The following CNPY3 variants were observed in gnomAD, a reference collection of about 807,000 sequenced individuals.
The protein encoded by CNPY3 is canopy FGF signaling regulator 3.
CNPY3 carries 20 observed loss-of-function variants against 32.0 expected under a neutral mutation model. The ratio of observed to expected loss-of-function variants is 0.63; its 90% CI spans 0.44 to 0.91. The LOEUF is 0.91. Among genes scored for constraint, CNPY3 ranks in the 40% least tolerant of loss-of-function variants. CNPY3 has a pLI of 0.00. For missense variants in CNPY3, 299 were observed against 340.8 expected, an observed-to-expected ratio of 0.88 and a Z score of 0.97; for synonymous variants, 138 against 142.9, an observed-to-expected ratio of 0.97 and a Z score of 0.24.
At position 42,939,239 on chromosome 6, in the gene CNPY3, A is replaced by T; in HGVS notation, c.*448A>T. On this transcript the variant is annotated 3_prime_UTR_variant, in exon 6 of 6. Coordinates refer to ENST00000372836, the MANE Select transcript of CNPY3 (RefSeq NM_006586.5). ...TCTGCCTGGCCCTTCCCAGAGCCCA[A>T]AGAGTAAAAATGTTCTGGTTCTGAT... is the stretch of plus-strand genomic sequence containing the variant. 1.0e-6 allele frequency: 1 copy of T among 990,398 alleles called. No individual in the cohort carries two copies. Among genetic ancestry groups the T allele is most frequent in the Non-Finnish European group, 1.2e-6 (1 of 833,644 alleles). The allele number at this position is 990,398 out of a possible 1,614,324, so 61.4% of individuals were successfully genotyped here.
chr6:42,930,660 C>G (rs1319074330), intron 1 of CNPY3, among the ~76,000 whole-genome samples: 1 of 152,156 alleles, frequency 6.6e-6, no homozygotes, highest in Non-Finnish European at 1.5e-5. Context: ...TTCCTAGCCC[C>G]GTAACCCCAG....
upstream of CNPY3, among the ~76,000 whole-genome samples, chr6:42,928,646 G>C (rs1174127253): frequency 6.6e-6 from 1 of 152,174 alleles, no homozygotes; most frequent in Non-Finnish European, 1.5e-5. Flanking sequence ...CCCTGTTGTT[G>C]CTGGGGAAGC....
intron 1 of CNPY3, among the ~76,000 whole-genome samples, chr6:42,931,760 GTT>G (rs964888140): frequency 3.3e-5 from 5 of 151,126 alleles, no homozygotes; most frequent in Non-Finnish European, 5.9e-5. Context: ...GTCTTGCTCT[GTT>G]GCCCAGGCTG....
chr6:42,933,520 A>G (rs558085718), intron 1 of CNPY3, among the ~76,000 whole-genome samples: 2 of 152,320 alleles, frequency 1.3e-5, no homozygotes, highest in East Asian at 3.9e-4. Flanking sequence ...GTTGGAACAC[A>G]TATGAAATCA....
chr6:42,935,324 A>G (rs962744723), intron 2 of CNPY3: 1 of 717,704 alleles, frequency 1.4e-6, no homozygotes, highest in African/African-American at 1.9e-5. Flanking sequence ...TGCTTTATCA[A>G]AAAATCTAAA....
chr6:42,937,577 CT>C, intron 3 of CNPY3, 139 bp from the exon 4 acceptor site: 2 of 872,100 alleles, frequency 2.3e-6, no homozygotes, highest in Non-Finnish European at 3.5e-6. Flanking sequence ...AGTGAGACTC[CT>C]TCTCAAAAAA....
chr6:42,932,755 G>A (rs907975533), intron 1 of CNPY3, among the ~76,000 whole-genome samples: 3 of 152,140 alleles, frequency 2.0e-5, no homozygotes, highest in Non-Finnish European at 4.4e-5. Flanking sequence ...AAGATCACCA[G>A]CTTATTACTT....
At chr6:42,932,330 G>C (rs1332483512) in intron 1 of CNPY3, among the ~76,000 whole-genome samples, 1 of 152,212 alleles carries the variant, frequency 6.6e-6, no homozygotes, top group Non-Finnish European at 1.5e-5. Context: ...AATGCTGACT[G>C]TGTCTAGCCC....
Position 42,938,347 on chromosome 6 carries a change from A to G in CNPY3, c.613+140A>G, listed in dbSNP as rs1022119368. 6 of 819,788 alleles carry G rather than the reference A, an allele frequency of 7.3e-6. No individual in the cohort carries two copies. In the African/African-American group the frequency reaches 1.0e-4, roughly 14 times the overall value. 50.8% of individuals were successfully genotyped at this position (819,788 alleles called of 1,614,324 possible). ...CCTTGAAAGGCTTGATTGGCAAGAC[A>G]TGGTGAAGTAAGAGTCACTGAAACC... On this transcript the variant is annotated intron_variant, in intron 5 of 5. Coordinates refer to ENST00000372836, the MANE Select transcript of CNPY3 (RefSeq NM_006586.5).
chr6:42,935,777 T>C, intron 3 of CNPY3, 107 bp downstream of exon 3: 1 of 1,239,032 alleles, frequency 8.1e-7, no homozygotes, highest in Non-Finnish European at 1.1e-6. Context: ...GGGATCTTCC[T>C]TCATTGCCTC....
At chr6:42,933,588 A>G (rs1767991376) in intron 1 of CNPY3, among the ~76,000 whole-genome samples, 1 of 152,218 alleles carries the variant, frequency 6.6e-6, no homozygotes, top group South Asian at 2.1e-4. Flanking sequence ...TTGAATATGG[A>G]CTACTGGGTG....
At chr6:42,931,728 TA>T (rs1227627127) in intron 1 of CNPY3, among the ~76,000 whole-genome samples, 8 of 151,536 alleles carry the variant, frequency 5.3e-5, no homozygotes, top group African/African-American at 1.7e-4. Flanking sequence ...TTATTATTAT[TA>T]TTATTTTTTT....
rs1768419850 is a variant in CNPY3, at chr6:42,938,854, C to T, written c.*63C>T. On this transcript the variant is annotated 3_prime_UTR_variant, in exon 6 of 6. Coordinates refer to ENST00000372836, the MANE Select transcript of CNPY3 (RefSeq NM_006586.5). ...TGAAGCTGAGGAGTCAGGGGCATGG[C>T]TCTGGCAGGCCGGGATGGCCCCGCA... 2.0e-6 allele frequency: 3 copies of T among 1,487,148 alleles called. No individual in the cohort carries two copies. Among genetic ancestry groups the T allele is most frequent in the Non-Finnish European group, 2.7e-6 (3 of 1,113,232 alleles). 92.1% of individuals were successfully genotyped at this position (1,487,148 alleles called of 1,614,324 possible). A position where few individuals can be genotyped will look rare whatever the true frequency, so the allele number is the denominator to read the frequency against.
Position 42,934,590 on chromosome 6 carries a change from C to T in CNPY3, c.267C>T (p.Tyr89=), listed in dbSNP as rs1395382165. The change falls in exon 2 of 6, where the codon TAC becomes TAT. Residue 89 remains tyrosine, a synonymous_variant. Transcript: ENST00000372836. The part of the protein sequence containing the change: ...ILDQKASGVK[Y]TKSDLRLIEV... ...ACCAGAAGGCCTCTGGAGTCAAATA[C>T]ACCAAGTCGTAAGTGAATGGGGACT... 6.2e-7 allele frequency: 1 copy of T among 1,613,924 alleles called. No homozygotes were observed. Among genetic ancestry groups the T allele is most frequent in the Non-Finnish European group, 8.5e-7 (1 of 1,179,966 alleles).
chr6:42,931,525 A>G (rs1170962342), intron 1 of CNPY3, among the ~76,000 whole-genome samples: 4 of 148,834 alleles, frequency 2.7e-5, no homozygotes, highest in African/African-American at 5.0e-5. Flanking sequence ...GTGTGCCACC[A>G]CTCCCGGCTA....
At chr6:42,937,696 A>G (rs1330908748) in intron 3 of CNPY3, 21 bp from the exon 4 acceptor site, 1 of 1,613,468 alleles carries the variant, frequency 6.2e-7, no homozygotes, top group Admixed American at 1.7e-5. Flanking sequence ...TCCGCCTGCC[A>G]TATCTGGTCG....
intron 3 of CNPY3, 80 bp downstream of exon 3, chr6:42,935,750 T>C (rs1562543462): frequency 6.8e-7 from 1 of 1,465,976 alleles, no homozygotes; most frequent in East Asian, 2.3e-5. Flanking sequence ...GTGAGTGTGA[T>C]TTGAAGATGA....
Position 42,938,452 on chromosome 6 carries a change from G to T in CNPY3, c.614-116G>T. On this transcript the variant is annotated intron_variant, in intron 5 of 5. Coordinates refer to ENST00000372836, the MANE Select transcript of CNPY3 (RefSeq NM_006586.5). Reference sequence around the variant, plus strand: ...ACAGCGAGAGGCAGGAGGCAGGGAGGCTGATGTCAAGCACAGTCCCAGTTG... The same window carrying T: ...ACAGCGAGAGGCAGGAGGCAGGGAGTCTGATGTCAAGCACAGTCCCAGTTG... 3.9e-6 allele frequency: 4 copies of T among 1,028,718 alleles called. No individual in the cohort carries two copies. The South Asian group carries it at 6.4e-5, about 17-fold the overall frequency. The allele number at this position is 1,028,718 out of a possible 1,614,324, so 63.7% of individuals were successfully genotyped here.
Position 42,929,523 on chromosome 6 carries a change from C to T in CNPY3, c.-48C>T. ...AGGGGAAACTGCTCCGCGCGCGCCGCGGGAGGAGGAACCGCCCGGTCCTTT... is the reference window on the plus strand; with the variant it reads ...AGGGGAAACTGCTCCGCGCGCGCCGTGGGAGGAGGAACCGCCCGGTCCTTT... On this transcript the variant is annotated 5_prime_UTR_variant, in exon 1 of 6. Transcript: ENST00000372836. 6.6e-7 allele frequency: 1 copy of T among 1,505,758 alleles called. No individual in the cohort carries two copies. Among genetic ancestry groups the T allele is most frequent in the Non-Finnish European group, 8.9e-7 (1 of 1,124,146 alleles). The allele number at this position is 1,505,758 out of a possible 1,614,324, so 93.3% of individuals were successfully genotyped here.
Sources: gnomAD v4.1 joint callset for allele counts (sites outside exome capture counted in the v4.1 genomes callset) on GRCh38, gnomAD v4.1.1 for gene constraint, MANE v1.5 for transcripts, NCBI Gene and HGNC (gene_info 2026-07-23, HGNC 2026-07-21) for gene names.